The following ING3 variants were observed in gnomAD, a reference collection of about 807,000 sequenced individuals.
The protein encoded by ING3 is inhibitor of growth family member 3.
ING3 carries 6 observed loss-of-function variants against 64.8 expected under a neutral mutation model. That is an observed-to-expected ratio of 0.09 (90% CI 0.05 to 0.18). ING3 has a LOEUF of 0.18. Ranked by LOEUF, ING3 falls within the 10% of genes least tolerant of loss-of-function variation. The probability of loss-of-function intolerance (pLI) is 1.00; values close to 1 mark genes in which losing one functional copy is unlikely to be tolerated. For missense variants in ING3, 310 were observed against 489.7 expected, an observed-to-expected ratio of 0.63 and a Z score of 3.46; for synonymous variants, 170 against 173.7, an observed-to-expected ratio of 0.98 and a Z score of 0.17.
Position 120,975,076 on chromosome 7 carries a change from T to C in ING3, c.*232T>C, listed in dbSNP as rs1485728117. ...GCTATGAATATTATTCCAGTTAGCC[T>C]TGGATTATTTCAGTGGCCAACATAT... On this transcript the variant is annotated 3_prime_UTR_variant, in exon 12 of 12. Coordinates refer to ENST00000315870, the MANE Select transcript of ING3 (RefSeq NM_019071.3). The C allele has an allele frequency of 4.0e-6, 1 of 250,872 alleles. No individual in the cohort carries two copies. Among genetic ancestry groups the C allele is most frequent in the Non-Finnish European group, 7.8e-6 (1 of 128,446 alleles). 15.5% of individuals were successfully genotyped at this position (250,872 alleles called of 1,614,324 possible).
chr7:120,967,022 A>G (rs1483216102), intron 6 of ING3, among the ~76,000 whole-genome samples: 2 of 152,228 alleles, frequency 1.3e-5, no homozygotes, highest in African/African-American at 4.8e-5. Flanking sequence ...GAGCCAAACA[A>G]TAAGCTATTT....
intron 4 of ING3, chr7:120,956,456 A>T (rs1795849010): frequency 8.5e-7 from 1 of 1,180,890 alleles, no homozygotes; most frequent in African/African-American, 1.6e-5. Context: ...CACAAGATAA[A>T]AGGTGAACAC....
chr7:120,961,844 GA>G (rs34591238), intron 4 of ING3, among the ~76,000 whole-genome samples: 3 of 152,084 alleles, frequency 2.0e-5, no homozygotes, highest in East Asian at 3.8e-4. Flanking sequence ...CATTAACTGG[GA>G]AAAAAAGAAA....
intron 9 of ING3, 66 bp downstream of exon 9, chr7:120,969,270 C>T: frequency 4.7e-6 from 6 of 1,274,556 alleles, no homozygotes; most frequent in Non-Finnish European, 6.6e-6. Context: ...ACACTTCAGC[C>T]AGGCCTCTCT....
intron 6 of ING3, among the ~76,000 whole-genome samples, chr7:120,967,163 G>T (rs564946006): frequency 4.7e-4 from 71 of 152,316 alleles, no homozygotes; most frequent in African/African-American, 1.7e-3. Flanking sequence ...TGGCTGGCTG[G>T]TTGGTAACAG....
At chr7:120,961,455 T>C (rs955664469) in intron 4 of ING3, among the ~76,000 whole-genome samples, 3 of 152,292 alleles carry the variant, frequency 2.0e-5, no homozygotes, top group African/African-American at 7.2e-5. Context: ...ATTTTATAAA[T>C]TGATTGTATT....
Position 120,975,536 on chromosome 7 carries a change from GAC to G in ING3, c.*693_*694del, listed in dbSNP as rs1220226859. ...GCAGTTCATGAGGGAGGGGGCGGGGGACTGAAGGGGAAAGGGCGTTAAAGTGA... is the reference window on the plus strand; with the variant it reads ...GCAGTTCATGAGGGAGGGGGCGGGGGTGAAGGGGAAAGGGCGTTAAAGTGA... On this transcript the variant is annotated 3_prime_UTR_variant, in exon 12 of 12. Coordinates refer to ENST00000315870, the MANE Select transcript of ING3 (RefSeq NM_019071.3). 3.3e-5 allele frequency: 5 copies of G among 150,384 alleles called. No individual in the cohort carries two copies. Among genetic ancestry groups the G allele is most frequent in the Non-Finnish European group, 7.4e-5 (5 of 67,634 alleles). The allele number at this position is 150,384 out of a possible 1,614,324, so 9.3% of individuals were successfully genotyped here. A position where few individuals can be genotyped will look rare whatever the true frequency, so the allele number is the denominator to read the frequency against.
Position 120,968,214 on chromosome 7 carries a change from T to C in ING3, c.714+123T>C, listed in dbSNP as rs145550146. ...GTTGTATATTTTCATTTTTAAGTCA[T>C]GATTTCACGATATGTGATATTTTAT... On this transcript the variant is annotated intron_variant, in intron 8 of 11. Transcript: ENST00000315870. 119 of 843,876 alleles carry C rather than the reference T, an allele frequency of 1.4e-4. 2 individuals are homozygous for C. The East Asian group carries it at 3.1e-3, about 22-fold the overall frequency. 52.3% of individuals were successfully genotyped at this position (843,876 alleles called of 1,614,324 possible).
At chr7:120,968,952 TGAAAAA>T in intron 8 of ING3, 53 bp from the exon 9 acceptor site, 1 of 1,126,528 alleles carries the variant, frequency 8.9e-7, no homozygotes, top group Non-Finnish European at 1.2e-6. Flanking sequence ...TTGTAAAACT[TGAAAAA>T]GAAAATCTAC....
intron 4 of ING3, chr7:120,956,100 T>C: frequency 9.4e-7 from 1 of 1,066,676 alleles, no homozygotes; most frequent in South Asian, 1.3e-5. Flanking sequence ...ATGTAACAGC[T>C]GTGTCAGTTG....
rs1197988368 is a variant in ING3, at chr7:120,976,496, T to C, written c.*1652T>C. On this transcript the variant is annotated 3_prime_UTR_variant, in exon 12 of 12. Transcript: ENST00000315870. ...GAGTACTCATCATTTCATAATATCATGATTATCACGATTTCATGATACTCA... is the reference window on the plus strand; with the variant it reads ...GAGTACTCATCATTTCATAATATCACGATTATCACGATTTCATGATACTCA... 1 of 152,200 alleles carries C rather than the reference T, an allele frequency of 6.6e-6. No individual in the cohort carries two copies. The highest frequency in any genetic ancestry group is 2.4e-5 in the African/African-American group (1 of 41,460). The allele number at this position is 152,200 out of a possible 1,614,324, so 9.4% of individuals were successfully genotyped here.
At chr7:120,955,884 T>A in intron 4 of ING3, 1 of 569,622 alleles carries the variant, frequency 1.8e-6, no homozygotes, top group Non-Finnish European at 3.1e-6. Context: ...AGATATTTTT[T>A]AAACAAGAAT....
intron 3 of ING3, among the ~76,000 whole-genome samples, chr7:120,953,791 A>G (rs1795803071): frequency 6.6e-6 from 1 of 152,212 alleles, no homozygotes; most frequent in Non-Finnish European, 1.5e-5. Flanking sequence ...TAGTGGACCC[A>G]CAGAAGAACG....
intron 5 of ING3, among the ~76,000 whole-genome samples, chr7:120,966,182 A>G (rs1237016388): frequency 6.6e-6 from 1 of 152,176 alleles, no homozygotes; most frequent in African/African-American, 2.4e-5. Context: ...TATTATCATA[A>G]TGTCATTTTA....
chr7:120,966,614 C>G lies in ING3; in HGVS notation c.365-12C>G. 6.2e-7 allele frequency: 1 copy of G among 1,605,028 alleles called. No individual in the cohort carries two copies. The highest frequency in any genetic ancestry group is 8.5e-7 in the Non-Finnish European group (1 of 1,171,748). On this transcript the variant is annotated splice_polypyrimidine_tract_variant and intron_variant, in intron 5 of 11. Transcript: ENST00000315870. The stretch of plus-strand genomic sequence containing the variant: ...TTAATGGTGGTGTATCTCTGTGCCT[C>G]TCTTCTTTTAGGATCTTTGGAATTA...
chr7:120,965,916 G>A (rs938729649), intron 5 of ING3, among the ~76,000 whole-genome samples: 1 of 152,160 alleles, frequency 6.6e-6, no homozygotes. Context: ...GATGATAGCT[G>A]TGAGTAATGA....
chr7:120,964,774 A>G lies in ING3; in HGVS notation c.300A>G (p.Glu100=). The G allele has an allele frequency of 1.2e-6, 2 of 1,613,778 alleles. No homozygotes were observed. The highest frequency in any genetic ancestry group is 1.7e-6 in the Non-Finnish European group (2 of 1,179,770). ...VDRHLRKLDQ[E]LAKFKMELEA... is the part of the protein sequence containing the mutation. ...GACACTTGAGAAAGCTGGATCAGGA[A>G]CTGGCTAAGTTTAAAATGGAGCTGG... The change falls in exon 5 of 12, where the codon GAA becomes GAG. Residue 100 remains glutamate, a synonymous_variant. Coordinates refer to ENST00000315870, the MANE Select transcript of ING3 (RefSeq NM_019071.3).
chr7:120,969,779 A>G (rs949409604), intron 9 of ING3, among the ~76,000 whole-genome samples: 1 of 152,244 alleles, frequency 6.6e-6, no homozygotes, highest in South Asian at 2.1e-4. Context: ...GTGTTTATAC[A>G]TAATGAAAGT....
intron 11 of ING3, among the ~76,000 whole-genome samples, chr7:120,973,532 C>T (rs969637722): frequency 6.6e-6 from 1 of 152,016 alleles, no homozygotes; most frequent in Non-Finnish European, 1.5e-5. Flanking sequence ...CTAAAAAATA[C>T]TGTGTTTACT....
Sources: gnomAD v4.1 joint callset for allele counts (sites outside exome capture counted in the v4.1 genomes callset) on GRCh38, gnomAD v4.1.1 for gene constraint, MANE v1.5 for transcripts, NCBI Gene and HGNC (gene_info 2026-07-23, HGNC 2026-07-21) for gene names.